The following STARD3NL variants were observed in gnomAD, a reference collection of about 807,000 sequenced individuals.
The protein encoded by STARD3NL is STARD3 N-terminal-like protein.
A neutral mutation model predicts 30.9 loss-of-function variants in STARD3NL; 17 were observed. The ratio of observed to expected loss-of-function variants is 0.55; its 90% CI spans 0.38 to 0.82. STARD3NL has a LOEUF of 0.82. Ranked by LOEUF, STARD3NL falls within the 40% of genes least tolerant of loss-of-function variation. STARD3NL has a pLI of 0.00. For missense variants in STARD3NL, 234 were observed against 277.6 expected (o/e 0.84, Z 1.12); for synonymous variants, 112 against 100.5 (o/e 1.11, Z -0.69).
chr7:38,207,699 C>T lies in STARD3NL; in HGVS notation c.195C>T (p.Phe65=), dbSNP rs553968130. 78 of 1,613,994 alleles carry T rather than the reference C, an allele frequency of 4.8e-5. No homozygotes were observed. The highest frequency in any genetic ancestry group is 2.9e-4 in the South Asian group (26 of 91,080). The part of the protein sequence containing the change: ...FCLFVTFDLL[F]VTLLWIIELN... ...TGTTTGTCACCTTTGACCTCTTATT[C>T]GTAACATTACTGTGGATAATAGAGT... Residue 65 remains phenylalanine, a synonymous_variant, in exon 2 of 9, where the codon TTC becomes TTT. Transcript: ENST00000009041.
At chr7:38,213,953 C>T (rs2116320579) in intron 2 of STARD3NL, among the ~76,000 whole-genome samples, 1 of 152,288 alleles carries the variant, frequency 6.6e-6, no homozygotes, top group African/African-American at 2.4e-5. Context: ...GTCGGGGAGT[C>T]TTGGCCTTCC....
intron 1 of STARD3NL, among the ~76,000 whole-genome samples, chr7:38,194,002 T>TCAAAA (rs1484568734): frequency 6.6e-6 from 1 of 152,174 alleles, no homozygotes; most frequent in Non-Finnish European, 1.5e-5. Flanking sequence ...GTCTTTTATT[T>TCAAAA]CAAATATTGA....
intron 1 of STARD3NL, among the ~76,000 whole-genome samples, chr7:38,183,122 T>C (rs1252209430): frequency 6.6e-6 from 1 of 152,262 alleles, no homozygotes; most frequent in East Asian, 1.9e-4. Context: ...TTTAATTGTA[T>C]GTTAAATTCC....
intron 7 of STARD3NL, among the ~76,000 whole-genome samples, chr7:38,222,190 G>A (rs1786509508): frequency 7.7e-6 from 1 of 129,682 alleles, no homozygotes; most frequent in Admixed American, 8.0e-5. Context: ...CACACAGAGT[G>A]GTAAAAGGGA....
intron 1 of STARD3NL, among the ~76,000 whole-genome samples, chr7:38,203,363 A>C (rs1235219077): frequency 6.6e-6 from 1 of 152,224 alleles, no homozygotes; most frequent in South Asian, 2.1e-4. Flanking sequence ...CCAGAATTTC[A>C]TATCTAGCCA....
chr7:38,198,908 C>T (rs752480685), intron 1 of STARD3NL, among the ~76,000 whole-genome samples: 3 of 152,160 alleles, frequency 2.0e-5, no homozygotes, highest in Non-Finnish European at 4.4e-5. Flanking sequence ...ATTCAGGCAA[C>T]GTACAGACCT....
At chr7:38,182,357 G>A (rs899460001) in intron 1 of STARD3NL, among the ~76,000 whole-genome samples, 2 of 152,184 alleles carry the variant, frequency 1.3e-5, no homozygotes, top group African/African-American at 4.8e-5. Flanking sequence ...AAGGCACACT[G>A]TCACAAATAA....
intron 2 of STARD3NL, among the ~76,000 whole-genome samples, chr7:38,213,469 C>T (rs983481076): frequency 4.6e-5 from 7 of 152,162 alleles, no homozygotes; most frequent in Non-Finnish European, 1.0e-4. Context: ...AACTTTCATT[C>T]GAATTTGAAC....
At chr7:38,212,493 T>C (rs1785865561) in intron 2 of STARD3NL, among the ~76,000 whole-genome samples, 1 of 152,126 alleles carries the variant, frequency 6.6e-6, no homozygotes, top group Non-Finnish European at 1.5e-5. Flanking sequence ...TTGCTATCTC[T>C]CTCACCTTGC....
intron 7 of STARD3NL, among the ~76,000 whole-genome samples, chr7:38,227,406 T>C (rs1372783627): frequency 6.6e-6 from 1 of 152,248 alleles, no homozygotes; most frequent in Non-Finnish European, 1.5e-5. Flanking sequence ...CTTTACCTAT[T>C]CATTTTACTA....
rs568445217 is a variant in STARD3NL at position 38,200,979 on chromosome 7, CTGTTTT to C, written c.-58-6466_-58-6461del. On this transcript the variant is annotated intron_variant, in intron 1 of 8. Transcript: ENST00000009041. The stretch of plus-strand genomic sequence containing the variant: ...TAATTTTTCTTCTTCTCTAATTTTT[CTGTTTT>C]TAAGTAAAAGTTTCACTCAAAAAAT... 5.8e-4 allele frequency among the ~76,000 whole-genome samples: 89 copies of C among 152,284 alleles called. 2 individuals are homozygous for C. In the South Asian group the frequency reaches 0.016, roughly 28 times the overall value.
rs562572503 is a variant in STARD3NL at position 38,223,859 on chromosome 7, G to T, written c.649+4199G>T. ...ACTCATCCATTGTAAATGTATAATT[G>T]CATGATTTTTAGTAAATTTATAAAT... On this transcript the variant is annotated intron_variant, in intron 7 of 8. Coordinates refer to ENST00000009041, the MANE Select transcript of STARD3NL (RefSeq NM_032016.4). Among the ~76,000 whole-genome samples the T allele has an allele frequency of 5.9e-5, 9 of 152,130 alleles. No individual in the cohort carries two copies. In the East Asian group the frequency reaches 1.7e-3, roughly 29 times the overall value.
intron 1 of STARD3NL, among the ~76,000 whole-genome samples, chr7:38,184,860 C>G (rs1241617718): frequency 1.4e-5 from 2 of 147,430 alleles, no homozygotes; most frequent in Admixed American, 1.3e-4. Context: ...ATATGTATTT[C>G]CATAGTCATA....
rs1314657220 is a variant in STARD3NL, at chr7:38,188,294, G to A, written c.-59+9874G>A. On this transcript the variant is annotated intron_variant, in intron 1 of 8. Transcript: ENST00000009041. ...GCTGGCCACCTGGCTGCACTCCTCT[G>A]TGACCAGCTCCACCCCTCCTCAGAA... Among the ~76,000 whole-genome samples the A allele has an allele frequency of 2.6e-5, 4 of 152,156 alleles. No homozygotes were observed. In the South Asian group the frequency reaches 6.2e-4, roughly 24 times the overall value.
At chr7:38,181,103 G>C (rs1314990956) in intron 1 of STARD3NL, among the ~76,000 whole-genome samples, 1 of 152,098 alleles carries the variant, frequency 6.6e-6, no homozygotes, top group Non-Finnish European at 1.5e-5. Context: ...TCCCTTTTCT[G>C]AACAATGAAC....
At chr7:38,218,558 A>C (rs1012970035) in intron 6 of STARD3NL, among the ~76,000 whole-genome samples, 1 of 152,250 alleles carries the variant, frequency 6.6e-6, no homozygotes, top group Admixed American at 6.5e-5. Context: ...GAATGGTTAT[A>C]GGATTAAACC....
At chr7:38,227,635 C>A (rs773621079) in intron 7 of STARD3NL, among the ~76,000 whole-genome samples, 12 of 152,138 alleles carry the variant, frequency 7.9e-5, no homozygotes, top group Admixed American at 1.3e-4. Context: ...GCATCTCTCA[C>A]CCCCTACTTT....
intron 1 of STARD3NL, among the ~76,000 whole-genome samples, chr7:38,203,140 A>G (rs1289681347): frequency 6.6e-6 from 1 of 152,168 alleles, no homozygotes; most frequent in Non-Finnish European, 1.5e-5. Flanking sequence ...GAATGCCACA[A>G]AGATACTCCT....
At chr7:38,180,898 C>T (rs1562592218) in intron 1 of STARD3NL, among the ~76,000 whole-genome samples, 1 of 152,210 alleles carries the variant, frequency 6.6e-6, no homozygotes, top group Non-Finnish European at 1.5e-5. Context: ...AATTTTCACC[C>T]TGCTCATTTT....
Sources: allele counts gnomAD v4.1 joint callset (sites outside exome capture counted in the v4.1 genomes callset), GRCh38; gene constraint gnomAD v4.1.1; transcripts MANE v1.5; gene names NCBI Gene and HGNC (gene_info 2026-07-23, HGNC 2026-07-21).